Variants in ACSS3 observed in about 807,000 individuals in gnomAD.
ACSS3 encodes acyl-CoA synthetase short chain family member 3, also known as acyl-CoA synthetase short-chain family member 3, mitochondrial.
Under a neutral mutation model 84.2 loss-of-function variants are expected in ACSS3, and 64 were observed. That is an observed-to-expected ratio of 0.76 (90% CI 0.62 to 0.94). The LOEUF is 0.94. Among genes scored for constraint, ACSS3 ranks in the 40% least tolerant of loss-of-function variants. The pLI is 0.00. For missense variants in ACSS3, 815 were observed against 867.6 expected, an observed-to-expected ratio of 0.94 and a Z score of 0.76; for synonymous variants, 317 against 310.1, an observed-to-expected ratio of 1.02 and a Z score of -0.23.
In ACSS3 at chr12:81,224,579, T is replaced by TCAC. The variant is rs1565730478; in HGVS notation, c.1514+4503_1514+4504insCAC. On this transcript the variant is annotated intron_variant, in intron 11 of 15. Coordinates refer to ENST00000548058, the MANE Select transcript of ACSS3 (RefSeq NM_024560.4). ...ATATATATACACACACACACATGTGTGTGTGTGTGTGTGTGTGTGTGTATG... is the reference window on the plus strand; with the variant it reads ...ATATATATACACACACACACATGTGTCACGTGTGTGTGTGTGTGTGTGTGTATG... Among the ~76,000 whole-genome samples, 590 of 146,666 alleles carry TCAC rather than the reference T, an allele frequency of 4.0e-3. 2 individuals are homozygous for TCAC. Among genetic ancestry groups the TCAC allele is most frequent in the Non-Finnish European group, 7.0e-3 (469 of 66,666 alleles).
At chr12:81,244,196 A>T (rs2033907365) in intron 13 of ACSS3, among the ~76,000 whole-genome samples, 1 of 152,160 alleles carries the variant, frequency 6.6e-6, no homozygotes, top group Non-Finnish European at 1.5e-5. Flanking sequence ...CTTCTTGTTT[A>T]CATGGTTCCT....
At chr12:81,177,308 A>G (rs375825233) in intron 8 of ACSS3, among the ~76,000 whole-genome samples, 8 of 152,192 alleles carry the variant, frequency 5.3e-5, no homozygotes, top group African/African-American at 1.9e-4. Flanking sequence ...GAAGTCCTTG[A>G]CAAAGTAATC....
chr12:81,256,138 A>T lies in ACSS3; in HGVS notation c.*1216A>T, dbSNP rs1228441076. The T allele has an allele frequency of 6.6e-6, 1 of 152,154 alleles. No individual in the cohort carries two copies. Among genetic ancestry groups the T allele is most frequent in the African/African-American group, 2.4e-5 (1 of 41,446 alleles). 9.4% of individuals were successfully genotyped at this position (152,154 alleles called of 1,614,324 possible). A position where few individuals can be genotyped will look rare whatever the true frequency, so the allele number is the denominator to read the frequency against. On this transcript the variant is annotated 3_prime_UTR_variant, in exon 16 of 16. Transcript: ENST00000548058. ...GACAAAGGACAGTAGAAAATGGTGA[A>T]GACTGCAGATCACCTGCTATACCTC...
intron 2 of ACSS3, among the ~76,000 whole-genome samples, chr12:81,115,610 T>A (rs1244255005): frequency 6.6e-6 from 1 of 152,128 alleles, no homozygotes; most frequent in Non-Finnish European, 1.5e-5. Flanking sequence ...CAAATGCTGA[T>A]GCTCTTTTCT....
chr12:81,124,073 C>G (rs980905681), intron 2 of ACSS3, among the ~76,000 whole-genome samples: 3 of 152,192 alleles, frequency 2.0e-5, no homozygotes, highest in African/African-American at 7.2e-5. Flanking sequence ...AAAGTGCTTT[C>G]CACAGTGGCT....
chr12:81,170,919 GC>G (rs1437563737), intron 7 of ACSS3, among the ~76,000 whole-genome samples: 1 of 151,956 alleles, frequency 6.6e-6, no homozygotes, highest in East Asian at 1.9e-4. Context: ...AAATAAATAA[GC>G]CATTGAGCCA....
At chr12:81,231,921 G>A (rs2033479481) in intron 12 of ACSS3, among the ~76,000 whole-genome samples, 1 of 145,470 alleles carries the variant, frequency 6.9e-6, no homozygotes, top group Admixed American at 7.2e-5. Flanking sequence ...TTTTCACTAA[G>A]TAAAATTCTG....
intron 11 of ACSS3, among the ~76,000 whole-genome samples, chr12:81,226,172 A>T (rs1052237483): frequency 2.0e-5 from 3 of 151,970 alleles, no homozygotes; most frequent in Admixed American, 2.0e-4. Context: ...AAGTTCCATG[A>T]TCACTGTTGC....
chr12:81,152,679 T>A (rs1339492391), intron 7 of ACSS3, among the ~76,000 whole-genome samples: 1 of 152,170 alleles, frequency 6.6e-6, no homozygotes, highest in African/African-American at 2.4e-5. Context: ...TATCAATGTC[T>A]TGTATAAAGA....
At chr12:81,188,852 T>C (rs957847004) in intron 8 of ACSS3, among the ~76,000 whole-genome samples, 1 of 152,146 alleles carries the variant, frequency 6.6e-6, no homozygotes, top group African/African-American at 2.4e-5. Flanking sequence ...TTCCAAAGTA[T>C]AGATACACTG....
chr12:81,088,311 G>T (rs1881449176), intron 1 of ACSS3, among the ~76,000 whole-genome samples: 1 of 152,034 alleles, frequency 6.6e-6, no homozygotes, highest in African/African-American at 2.4e-5. Context: ...AAGTTACTGA[G>T]ATTTTGCAAT....
chr12:81,164,871 CT>C (rs1161946334), intron 7 of ACSS3, among the ~76,000 whole-genome samples: 1 of 152,082 alleles, frequency 6.6e-6, no homozygotes, highest in East Asian at 1.9e-4. Flanking sequence ...ATGCTATTTC[CT>C]TTTAAAACAA....
In ACSS3 at chr12:81,113,918, T is replaced by C. The variant is rs113563414; in HGVS notation, c.456+4214T>C. Among the ~76,000 whole-genome samples the C allele has an allele frequency of 5.1e-3, 777 of 152,230 alleles. 4 individuals carry two copies. The highest frequency in any genetic ancestry group is 0.014 in the African/African-American group (564 of 41,562). On this transcript the variant is annotated intron_variant, in intron 2 of 15. Transcript: ENST00000548058. ...TTAGCTCTTTTCAAGTTAGTCGTTA[T>C]ATTAAGCCTCAGTGAAATAAAAGGT... is the stretch of plus-strand genomic sequence containing the variant.
At chr12:81,248,744 G>T (rs1015060456) in intron 13 of ACSS3, among the ~76,000 whole-genome samples, 1 of 151,844 alleles carries the variant, frequency 6.6e-6, no homozygotes, top group Admixed American at 6.6e-5. Flanking sequence ...ATAAATACTC[G>T]AAGTGATGGA....
chr12:81,078,171 C>T lies in ACSS3; in HGVS notation c.51C>T (p.Leu17=), dbSNP rs1443892660. 6 of 1,522,868 alleles carry T rather than the reference C, an allele frequency of 3.9e-6. No individual in the cohort carries two copies. The highest frequency in any genetic ancestry group is 1.8e-4 in the Middle Eastern group (1 of 5,582). 94.3% of individuals were successfully genotyped at this position (1,522,868 alleles called of 1,614,324 possible). The change falls in exon 1 of 16, where the codon CTC becomes CTT. Residue 17 remains leucine (L), a synonymous_variant. Transcript: ENST00000548058. The part of the protein sequence containing the change: ...QCRKVTSAGG[L]GGPLPGSSPA... ...GTAAAGTCACCAGCGCCGGGGGGCT[C>T]GGAGGGCCCTTGCCTGGGTCCTCTC...
chr12:81,126,418 C>T (rs12815528), intron 2 of ACSS3, among the ~76,000 whole-genome samples: 53,545 of 152,140 alleles, frequency 0.35, 11,934 homozygotes, highest in Non-Finnish European at 0.5. Context: ...GCATCAATTG[C>T]ATTTTCCATT....
intron 2 of ACSS3, among the ~76,000 whole-genome samples, chr12:81,131,117 T>C (rs1885468282): frequency 6.6e-6 from 1 of 152,246 alleles, no homozygotes. Context: ...GCAGGCTCTT[T>C]TTTGTTCCAT....
At chr12:81,171,152 G>A (rs1032531462) in intron 7 of ACSS3, among the ~76,000 whole-genome samples, 6 of 151,738 alleles carry the variant, frequency 4.0e-5, no homozygotes, top group Non-Finnish European at 5.9e-5. Flanking sequence ...GACCTTATCC[G>A]GCTTATTCAC....
chr12:81,173,608 C>A (rs1356345591), intron 7 of ACSS3, among the ~76,000 whole-genome samples: 1 of 151,976 alleles, frequency 6.6e-6, no homozygotes, highest in Non-Finnish European at 1.5e-5. Context: ...TAGTCCATTC[C>A]TTTTTCTAAA....
Sources: allele counts gnomAD v4.1 joint callset (sites outside exome capture counted in the v4.1 genomes callset), GRCh38; gene constraint gnomAD v4.1.1; transcripts MANE v1.5; gene names NCBI Gene and HGNC (gene_info 2026-07-23, HGNC 2026-07-21).